The following LMLN variants were observed in gnomAD, a reference collection of about 807,000 sequenced individuals.
LMLN encodes the protein leishmanolysin-like peptidase.
LMLN carries 70 observed loss-of-function variants against 92.3 expected under a neutral mutation model. That is an observed-to-expected ratio of 0.76 (90% confidence interval 0.63 to 0.92). LMLN has a LOEUF of 0.92. Ranked by LOEUF, LMLN falls within the 40% of genes least tolerant of loss-of-function variation. The probability of loss-of-function intolerance (pLI) is 0.00; values close to 1 mark genes in which losing one functional copy is unlikely to be tolerated. For synonymous variants in LMLN, 308 were observed against 296.2 expected, an observed-to-expected ratio of 1.04 and a Z score of -0.41; for missense variants, 691 against 814.6, an observed-to-expected ratio of 0.85 and a Z score of 1.85.
At chr3:197,966,545 GTTT>G (rs57088133) in intron 1 of LMLN, among the ~76,000 whole-genome samples, 6 of 141,782 alleles carry the variant, frequency 4.2e-5, no homozygotes, top group African/African-American at 1.5e-4. Context: ...TTTTCTAAGA[GTTT>G]TTTTTTTTTT....
At chr3:197,997,792 A>C (rs1249858598) in intron 10 of LMLN, among the ~76,000 whole-genome samples, 1 of 152,230 alleles carries the variant, frequency 6.6e-6, no homozygotes, top group Non-Finnish European at 1.5e-5. Context: ...ACATGCTTTC[A>C]CAGAATAAAC....
intron 14 of LMLN, among the ~76,000 whole-genome samples, chr3:198,034,310 A>T (rs1301631395): frequency 1.3e-5 from 2 of 152,164 alleles, no homozygotes; most frequent in South Asian, 2.1e-4. Flanking sequence ...GGTTTTTTTT[A>T]AAATAGTTAA....
In LMLN at chr3:197,975,867, CT is replaced by C. The variant is rs757645208; in HGVS notation, c.349-160del. 3.9e-5 allele frequency among the ~76,000 whole-genome samples: 6 copies of C among 152,300 alleles called. No homozygotes were observed. The South Asian group carries it at 1.0e-3, about 26-fold the overall frequency. On this transcript the variant is annotated intron_variant, in intron 3 of 15. Coordinates refer to ENST00000330198, the Ensembl canonical transcript of LMLN. ...TGGGGGAAATTCTTTTCCTCCTAGA[CT>C]TACTCTCTTCCTACCCCTTGCCATA...
chr3:198,011,022 T>C (rs1282368947), intron 11 of LMLN, among the ~76,000 whole-genome samples: 1 of 152,178 alleles, frequency 6.6e-6, no homozygotes, highest in Non-Finnish European at 1.5e-5. Flanking sequence ...TGTTGTTGAA[T>C]TGTATTTGGA....
exon 1 of LMLN, chr3:197,960,351 T>C (rs1337207479): frequency 6.2e-7 from 1 of 1,613,914 alleles, no homozygotes; most frequent in Non-Finnish European, 8.5e-7. Context: ...TTTACTCCTG[T>C]TGGGCGGGCT....
intron 11 of LMLN, among the ~76,000 whole-genome samples, chr3:198,017,973 T>TG (rs1722685427): frequency 6.6e-6 from 1 of 152,210 alleles, no homozygotes; most frequent in Non-Finnish European, 1.5e-5. Context: ...GTGACATACA[T>TG]GATTAGTGGC....
intron 10 of LMLN, among the ~76,000 whole-genome samples, chr3:197,998,578 A>T (rs756484164): frequency 1.1e-4 from 17 of 151,800 alleles, no homozygotes; most frequent in Non-Finnish European, 2.2e-4. Context: ...TTTTTTTTTT[A>T]AAGCGTGGTA....
Position 197,976,022 on chromosome 3 carries a change from TA to T in LMLN, c.349-6del. 6.5e-7 allele frequency: 1 copy of T among 1,544,848 alleles called. No homozygotes were observed. Among genetic ancestry groups the T allele is most frequent in the South Asian group, 1.2e-5 (1 of 84,410 alleles). On this transcript the variant is annotated splice_region_variant and splice_polypyrimidine_tract_variant and intron_variant, in intron 3 of 15. Coordinates refer to ENST00000330198, the Ensembl canonical transcript of LMLN. ...TCTGTTTCTTTTTTTTTTTAACTTT[TA>T]TTTAGAACAAGCTTTTCCCACAAGC... is the stretch of plus-strand genomic sequence containing the variant.
exon 16 of LMLN, chr3:198,040,865 T>C (rs1402996133): frequency 7.6e-6 from 1 of 131,994 alleles, no homozygotes; most frequent in Non-Finnish European, 1.6e-5. Context: ...TATTCCTCCA[T>C]GGCATTGTAA....
In LMLN at chr3:197,990,676, TGTAA is replaced by T; in HGVS notation, c.1047+4_1047+7del. ...ATCTCCTGGTAACGCCTCGTGTTGTTGTAAGTATTATCAGACTTCATGTCTCATG... is the reference window on the plus strand; with the variant it reads ...ATCTCCTGGTAACGCCTCGTGTTGTTGTATTATCAGACTTCATGTCTCATG... On this transcript the variant is annotated splice_donor_variant and splice_donor_region_variant and intron_variant, in intron 9 of 15. Transcript: ENST00000330198. LOFTEE classifies it high-confidence loss of function. The T allele has an allele frequency of 2.1e-6, 3 of 1,435,922 alleles. No individual in the cohort carries two copies. Among genetic ancestry groups the T allele is most frequent in the Non-Finnish European group, 2.0e-6 (2 of 1,018,310 alleles). 88.9% of individuals were successfully genotyped at this position (1,435,922 alleles called of 1,614,324 possible).
At chr3:198,001,933 G>A (rs1202890730) in intron 11 of LMLN, among the ~76,000 whole-genome samples, 2 of 152,018 alleles carry the variant, frequency 1.3e-5, no homozygotes, top group African/African-American at 2.4e-5. Flanking sequence ...GATTTCAGGC[G>A]TGAGCCACTG....
At chr3:198,027,178 T>A (rs1349962156) in intron 14 of LMLN, among the ~76,000 whole-genome samples, 1 of 152,068 alleles carries the variant, frequency 6.6e-6, no homozygotes, top group Non-Finnish European at 1.5e-5. Context: ...TCTATCCACA[T>A]CCCGTCCACT....
chr3:197,964,381 A>T (rs895044946), intron 1 of LMLN, among the ~76,000 whole-genome samples: 3 of 148,042 alleles, frequency 2.0e-5, no homozygotes, highest in Admixed American at 6.7e-5. Flanking sequence ...TTAGGTTAAA[A>T]TTTTTTTTTT....
chr3:198,019,134 G>T lies in LMLN; in HGVS notation c.1233-119G>T. 1.0e-6 allele frequency: 1 copy of T among 982,562 alleles called. No homozygotes were observed. Among genetic ancestry groups the T allele is most frequent in the East Asian group, 2.6e-5 (1 of 38,998 alleles). The allele number at this position is 982,562 out of a possible 1,614,324, so 60.9% of individuals were successfully genotyped here. A position where few individuals can be genotyped will look rare whatever the true frequency, so the allele number is the denominator to read the frequency against. On this transcript the variant is annotated intron_variant, in intron 11 of 15. Coordinates refer to ENST00000330198, the Ensembl canonical transcript of LMLN. The surrounding 1 kb of genome is among the most constrained non-coding windows in gnomAD (Gnocchi z 5.5). ...CCATCTCTTTCCAAGAATCCCATTT[G>T]TTAATTATGAAGGTTTGTATTTTTA... is the stretch of plus-strand genomic sequence containing the variant.
intron 13 of LMLN, among the ~76,000 whole-genome samples, chr3:198,023,187 T>C (rs1372469038): frequency 6.6e-6 from 1 of 151,462 alleles, no homozygotes; most frequent in Non-Finnish European, 1.5e-5. Context: ...TGTTTTATTA[T>C]TATTATTATT....
chr3:197,964,053 T>C (rs1450611038), intron 1 of LMLN, among the ~76,000 whole-genome samples: 2 of 152,238 alleles, frequency 1.3e-5, no homozygotes, highest in East Asian at 3.8e-4. Flanking sequence ...TTTCTCACTT[T>C]ATGAACTGTT....
At chr3:198,030,680 C>CCTCTGT (rs1490765057) in intron 14 of LMLN, among the ~76,000 whole-genome samples, 1 of 152,068 alleles carries the variant, frequency 6.6e-6, no homozygotes, top group Non-Finnish European at 1.5e-5. Context: ...CCCTCTGGTC[C>CCTCTGT]CTCTGTCTCT....
At chr3:198,018,794 T>C (rs1722708593) in intron 11 of LMLN, among the ~76,000 whole-genome samples, 1 of 152,234 alleles carries the variant, frequency 6.6e-6, no homozygotes, top group South Asian at 2.1e-4. Context: ...GATATTAATA[T>C]AATTTTTATA....
chr3:197,986,669 T>C (rs1721715796), intron 8 of LMLN, among the ~76,000 whole-genome samples: 1 of 152,138 alleles, frequency 6.6e-6, no homozygotes, highest in Admixed American at 6.6e-5. Context: ...AAACGTTGCC[T>C]TGCCATGGAA....
Sources: allele counts gnomAD v4.1 joint callset (sites outside exome capture counted in the v4.1 genomes callset), GRCh38; gene constraint gnomAD v4.1.1; non-coding constraint Gnocchi (gnomAD v3.1); transcripts MANE v1.5; gene names NCBI Gene and HGNC (gene_info 2026-07-23, HGNC 2026-07-21).